Variants in SLC2A2 observed in about 807,000 individuals in gnomAD.
SLC2A2 encodes the protein solute carrier family 2 member 2.
In SLC2A2, 36 loss-of-function variants were observed where a neutral mutation model predicts 54.5. That is an observed-to-expected ratio of 0.66 (90% CI 0.51 to 0.87). The LOEUF (loss-of-function observed/expected upper bound fraction) is 0.87. Ranked by LOEUF, SLC2A2 falls within the 40% of genes least tolerant of loss-of-function variation. The pLI is 0.00. For missense variants in SLC2A2, 543 were observed against 624.3 expected, an observed-to-expected ratio of 0.87 and a Z score of 1.39; for synonymous variants, 223 against 219.1, an observed-to-expected ratio of 1.02 and a Z score of -0.16.
At chr3:171,011,283 T>A (rs1309670648) in intron 3 of SLC2A2, among the ~76,000 whole-genome samples, 1 of 152,154 alleles carries the variant, frequency 6.6e-6, no homozygotes, top group Non-Finnish European at 1.5e-5. Context: ...GAGATTATCT[T>A]CAATTATCTG....
In SLC2A2 at chr3:171,007,152, C is replaced by A; in HGVS notation, c.608G>T (p.Ser203Ile). Residue 203 changes from serine to isoleucine, a missense_variant, in exon 5 of 11, where the codon AGT becomes ATT. By Grantham distance (142) the Ser-to-Ile change is moderately radical (BLOSUM62 -2). This residue lies in a region of SLC2A2 where 318 missense variants were observed against 343.8 expected (regional missense o/e 0.93). Coordinates refer to ENST00000314251, the MANE Select transcript of SLC2A2 (RefSeq NM_000340.2). ...QLAIVTGILI[S>I]QIIGLEFILG... is the part of the protein sequence containing the mutation. ...ATAAGGATGGGGAGTTTTTACCTGA[C>A]TAATAAGAATGCCCGTGACGATGGC... The A allele has an allele frequency of 6.2e-7, 1 of 1,601,704 alleles. No individual in the cohort carries two copies. Among genetic ancestry groups the A allele is most frequent in the Non-Finnish European group, 8.6e-7 (1 of 1,169,318 alleles).
At chr3:171,014,312 G>T (rs939919352) in intron 3 of SLC2A2, among the ~76,000 whole-genome samples, 157 bp downstream of exon 3, 1 of 151,980 alleles carries the variant, frequency 6.6e-6, no homozygotes, top group African/African-American at 2.4e-5. Context: ...TTTTTTCATT[G>T]ATTTGATCTA....
intron 8 of SLC2A2, among the ~76,000 whole-genome samples, chr3:170,999,678 C>T (rs1715257998): frequency 6.6e-6 from 1 of 152,064 alleles, no homozygotes; most frequent in African/African-American, 2.4e-5. Flanking sequence ...TTTCTCACTG[C>T]TTAATAAAGT....
At chr3:171,000,669 C>A (rs575543126) in intron 8 of SLC2A2, among the ~76,000 whole-genome samples, 52 of 152,210 alleles carry the variant, frequency 3.4e-4, no homozygotes, top group Middle Eastern at 3.4e-3. Flanking sequence ...AGGCCCTCTT[C>A]TACCAGCCCA....
chr3:171,026,280 AC>A (rs1189949328), intron 1 of SLC2A2, among the ~76,000 whole-genome samples: 1 of 151,136 alleles, frequency 6.6e-6, no homozygotes, highest in African/African-American at 2.4e-5. Flanking sequence ...CTAGAGAACA[AC>A]CCTTCTACCT....
intron 3 of SLC2A2, among the ~76,000 whole-genome samples, chr3:171,011,712 A>G (rs1459398900): frequency 6.6e-6 from 1 of 151,986 alleles, no homozygotes; most frequent in African/African-American, 2.4e-5. Context: ...GGTGTTTAGT[A>G]GTTTAGACTA....
intron 5 of SLC2A2, 58 bp downstream of exon 5, chr3:171,007,090 G>A: frequency 1.1e-6 from 1 of 915,488 alleles, no homozygotes; most frequent in Non-Finnish European, 1.8e-6. Flanking sequence ...AGTAGTAGTG[G>A]TACTGTAGAG....
chr3:171,006,658 C>T (rs763411870), intron 5 of SLC2A2, among the ~76,000 whole-genome samples: 1 of 151,954 alleles, frequency 6.6e-6, no homozygotes, highest in Non-Finnish European at 1.5e-5. Context: ...TGTGGGGTCC[C>T]AGACTCCCTT....
intron 3 of SLC2A2, among the ~76,000 whole-genome samples, chr3:171,012,490 C>T (rs1373507923): frequency 6.6e-6 from 1 of 152,132 alleles, no homozygotes; most frequent in African/African-American, 2.4e-5. Flanking sequence ...CTCTACCGTA[C>T]CCTGGTAATT....
rs1715094531 is a variant in SLC2A2, at chr3:170,996,737, A to G, written c.*1166T>C. ...ATAGAATAGTTTGGCTAGAATCTGT[A>G]TACAGCTAAGACAAAGAAGGAAATG... On this transcript the variant is annotated 3_prime_UTR_variant, in exon 11 of 11. Coordinates refer to ENST00000314251, the MANE Select transcript of SLC2A2 (RefSeq NM_000340.2). 3 of 397,278 alleles carry G rather than the reference A, an allele frequency of 7.6e-6. No homozygotes were observed. The highest frequency in any genetic ancestry group is 1.3e-5 in the Non-Finnish European group (3 of 225,202). The allele number at this position is 397,278 out of a possible 1,614,324, so 24.6% of individuals were successfully genotyped here. A position where few individuals can be genotyped will look rare whatever the true frequency, so the allele number is the denominator to read the frequency against.
chr3:171,015,305 C>G lies in SLC2A2; in HGVS notation c.109-574G>C, dbSNP rs569206875. On this transcript the variant is annotated intron_variant, in intron 2 of 10. Transcript: ENST00000314251. ...GCAACATGGTGAAACCCTGTCTCTA[C>G]GAAGAATACTAAAAATTACCCAGGC... Among the ~76,000 whole-genome samples the G allele has an allele frequency of 3.9e-5, 6 of 151,964 alleles. No homozygotes were observed. In the East Asian group the frequency reaches 1.2e-3, roughly 29 times the overall value.
chr3:170,999,997 C>T (rs758807973), intron 8 of SLC2A2, among the ~76,000 whole-genome samples: 10 of 152,114 alleles, frequency 6.6e-5, no homozygotes, highest in East Asian at 1.9e-4. Flanking sequence ...CTCCCCCTCA[C>T]CCCCCACAAA....
intron 4 of SLC2A2, among the ~76,000 whole-genome samples, chr3:171,008,329 G>A (rs921301597): frequency 2.6e-5 from 4 of 152,032 alleles, no homozygotes; most frequent in Admixed American, 6.6e-5. Context: ...TTAATGTGTA[G>A]CCTGTTGATC....
At chr3:171,014,918 C>T (rs905380845) in intron 2 of SLC2A2, among the ~76,000 whole-genome samples, 187 bp from the exon 3 acceptor site, 5 of 151,914 alleles carry the variant, frequency 3.3e-5, no homozygotes, top group Non-Finnish European at 5.9e-5. Flanking sequence ...AATTACATTG[C>T]CAACAAGAAC....
At chr3:171,013,795 T>C (rs1308946256) in intron 3 of SLC2A2, among the ~76,000 whole-genome samples, 1 of 152,144 alleles carries the variant, frequency 6.6e-6, no homozygotes, top group Non-Finnish European at 1.5e-5. Context: ...TTATATAGGG[T>C]GGGAAATCCT....
At chr3:171,010,174 A>T in intron 3 of SLC2A2, 92 bp from the exon 4 acceptor site, 1 of 1,299,088 alleles carries the variant, frequency 7.7e-7, no homozygotes, top group South Asian at 1.2e-5. Flanking sequence ...TTTTTAACCT[A>T]AGAGCAATTA....
intron 1 of SLC2A2, among the ~76,000 whole-genome samples, chr3:171,018,831 A>G (rs1446411074): frequency 6.6e-6 from 1 of 151,972 alleles, no homozygotes; most frequent in South Asian, 2.1e-4. Context: ...TGCTGCTAAA[A>G]CTCAAAGAAG....
chr3:171,015,713 C>T (rs1292320924), intron 2 of SLC2A2, among the ~76,000 whole-genome samples: 1 of 151,978 alleles, frequency 6.6e-6, no homozygotes, highest in Non-Finnish European at 1.5e-5. Flanking sequence ...TCCTAGCCAC[C>T]AGGGCAGAGA....
chr3:170,997,891 A>AG lies in SLC2A2; in HGVS notation c.*11dup, dbSNP rs1560031024. On this transcript the variant is annotated 3_prime_UTR_variant, in exon 11 of 11. Transcript: ENST00000314251. ...ATTGTTTCTGTTCATGTCAAAAAGC[A>AG]GGGTTTTTTTTTTACACAGTCTCTG... is the stretch of plus-strand genomic sequence containing the variant. 1.2e-6 allele frequency: 2 copies of AG among 1,604,758 alleles called. No individual in the cohort carries two copies. Among genetic ancestry groups the AG allele is most frequent in the South Asian group, 1.1e-5 (1 of 90,024 alleles).
Sources: allele counts gnomAD v4.1 joint callset (sites outside exome capture counted in the v4.1 genomes callset), GRCh38; gene constraint gnomAD v4.1.1; regional missense constraint gnomAD v4.1.1; transcripts MANE v1.5; gene names NCBI Gene and HGNC (gene_info 2026-07-23, HGNC 2026-07-21).